The following FAM3B variants were observed in gnomAD, a reference collection of about 807,000 sequenced individuals.
FAM3B encodes the protein FAM3 metabolism regulating signaling molecule B, also known as protein FAM3B.
FAM3B carries 29 observed loss-of-function variants against 28.4 expected under a neutral mutation model. That is an observed-to-expected ratio of 1.02 (90% CI 0.76 to 1.39). The LOEUF (loss-of-function observed/expected upper bound fraction) is 1.39, where lower values mean the gene tolerates loss of function less well. Ranked by LOEUF, FAM3B falls within the 40% of genes most tolerant of loss-of-function variation. The pLI is 0.00. For missense variants in FAM3B, 266 were observed against 293.9 expected, an observed-to-expected ratio of 0.91 and a Z score of 0.69; for synonymous variants, 91 against 103.0, an observed-to-expected ratio of 0.88 and a Z score of 0.71.
upstream of FAM3B, among the ~76,000 whole-genome samples, chr21:41,312,422 C>T (rs750272153): frequency 9.9e-5 from 15 of 152,108 alleles, no homozygotes; most frequent in Non-Finnish European, 2.2e-4. Flanking sequence ...ACAAAAAGTG[C>T]AGCTGTTGTC....
At chr21:41,345,458 A>T (rs1280495004) in intron 4 of FAM3B, among the ~76,000 whole-genome samples, 1 of 152,112 alleles carries the variant, frequency 6.6e-6, no homozygotes, top group Non-Finnish European at 1.5e-5. Flanking sequence ...GTGTAACCCA[A>T]AGCAAACTGG....
intron 1 of FAM3B, among the ~76,000 whole-genome samples, chr21:41,305,691 A>G (rs1038070192): frequency 6.6e-6 from 1 of 152,236 alleles, no homozygotes; most frequent in Admixed American, 6.5e-5. Flanking sequence ...TACAATGTGC[A>G]TACCTTAATT....
At chr21:41,313,014 T>C (rs1052897064), upstream of FAM3B, among the ~76,000 whole-genome samples, 5 of 152,150 alleles carry the variant, frequency 3.3e-5, no homozygotes, top group African/African-American at 1.2e-4. Flanking sequence ...TTCATCCTAG[T>C]CCTTCTGAAG....
At chr21:41,319,222 AC>A (rs1171534987) in intron 1 of FAM3B, among the ~76,000 whole-genome samples, 1 of 151,960 alleles carries the variant, frequency 6.6e-6, no homozygotes, top group African/African-American at 2.4e-5. Context: ...AGCAGCCAGG[AC>A]CCTCCTGAGA....
chr21:41,311,037 G>A (rs927480281), intron 1 of FAM3B, among the ~76,000 whole-genome samples: 1 of 150,954 alleles, frequency 6.6e-6, no homozygotes, highest in African/African-American at 2.4e-5. Context: ...TGTCCCTTTC[G>A]TTTCCAATGG....
chr21:41,318,442 C>T (rs1338905014), intron 1 of FAM3B, among the ~76,000 whole-genome samples: 1 of 152,184 alleles, frequency 6.6e-6, no homozygotes, highest in Non-Finnish European at 1.5e-5. Flanking sequence ...GGGCGTTGGC[C>T]TGTGGACCGT....
chr21:41,329,793 C>T (rs530168263), intron 2 of FAM3B, among the ~76,000 whole-genome samples: 7 of 152,158 alleles, frequency 4.6e-5, no homozygotes, highest in Non-Finnish European at 1.0e-4. Context: ...TGGTCTCGAA[C>T]TCCTGACCTC....
rs541345698 is a variant in FAM3B at position 41,357,039 on chromosome 21, A to C, written c.619-69A>C. 8.2e-5 allele frequency: 100 copies of C among 1,213,102 alleles called. No individual in the cohort carries two copies. The African/African-American group carries it at 1.4e-3, about 17-fold the overall frequency. The allele number at this position is 1,213,102 out of a possible 1,614,324, so 75.1% of individuals were successfully genotyped here. A position where few individuals can be genotyped will look rare whatever the true frequency, so the allele number is the denominator to read the frequency against. On this transcript the variant is annotated intron_variant, in intron 7 of 7. Transcript: ENST00000357985. The stretch of plus-strand genomic sequence containing the variant: ...CTAGGAAGTGGTTGTGTCGGCTCAC[A>C]ACTGATACTGATTAAATACTTGTTT...
At chr21:41,321,763 T>C (rs1023894753) in intron 1 of FAM3B, among the ~76,000 whole-genome samples, 1 of 152,306 alleles carries the variant, frequency 6.6e-6, no homozygotes, top group Non-Finnish European at 1.5e-5. Flanking sequence ...GCATAGCCGG[T>C]GCATGGGTCG....
intron 1 of FAM3B, chr21:41,322,593 C>T (rs1449508261): frequency 4.2e-6 from 3 of 717,080 alleles, no homozygotes; most frequent in Non-Finnish European, 7.8e-6. Context: ...TTCAGGTTCA[C>T]GTTGGGCATG....
At chr21:41,321,257 T>G (rs2088801467) in intron 1 of FAM3B, among the ~76,000 whole-genome samples, 1 of 152,184 alleles carries the variant, frequency 6.6e-6, no homozygotes, top group Non-Finnish European at 1.5e-5. Flanking sequence ...ACCCACGCGG[T>G]GTCACAGGCA....
chr21:41,324,667 C>T (rs533169559), intron 2 of FAM3B, among the ~76,000 whole-genome samples: 45 of 152,280 alleles, frequency 3.0e-4, no homozygotes, highest in African/African-American at 9.4e-4. Flanking sequence ...CTCTCTGGGC[C>T]GTGGTCTGAG....
At chr21:41,316,115 G>T (rs140662124), upstream of FAM3B, among the ~76,000 whole-genome samples, 204 of 152,330 alleles carry the variant, frequency 1.3e-3, 1 homozygote, top group African/African-American at 4.6e-3. Context: ...TGTACCCGTG[G>T]ATGGGGAGAG....
intron 4 of FAM3B, 56 bp from the exon 5 acceptor site, chr21:41,345,630 A>C: frequency 9.5e-7 from 1 of 1,051,338 alleles, no homozygotes; most frequent in Non-Finnish European, 1.4e-6. Context: ...CTGGTGCCAC[A>C]AGTGCGCCCT....
chr21:41,321,362 C>A (rs2088803128), intron 1 of FAM3B, among the ~76,000 whole-genome samples: 1 of 152,200 alleles, frequency 6.6e-6, no homozygotes, highest in Admixed American at 6.6e-5. Context: ...AGAGATCACT[C>A]CTGCAGAGGA....
intron 2 of FAM3B, among the ~76,000 whole-genome samples, 195 bp downstream of exon 2, chr21:41,323,261 G>A (rs978613003): frequency 2.0e-5 from 3 of 152,220 alleles, no homozygotes; most frequent in Non-Finnish European, 4.4e-5. Context: ...GACCCCATGT[G>A]AGACTAGAAC....
At position 41,316,911 on chromosome 21, in the gene FAM3B, C is replaced by G; in HGVS notation, c.19+13C>G. ...CCATTGGCTGGTGGTGAGTGCGCCC[C>G]CGCCTCGGGGCGAGGGTAGGGGCGG... On this transcript the variant is annotated intron_variant, in intron 1 of 7. Transcript: ENST00000357985. 1 of 1,360,006 alleles carries G rather than the reference C, an allele frequency of 7.4e-7. No homozygotes were observed. The highest frequency in any genetic ancestry group is 3.5e-5 in the Admixed American group (1 of 28,384). 84.2% of individuals were successfully genotyped at this position (1,360,006 alleles called of 1,614,324 possible).
intron 3 of FAM3B, among the ~76,000 whole-genome samples, chr21:41,339,904 A>T (rs1344953427): frequency 6.6e-6 from 1 of 152,208 alleles, no homozygotes; most frequent in African/African-American, 2.4e-5. Flanking sequence ...ACGACAGGCC[A>T]TCTGCAAGCT....
upstream of FAM3B, among the ~76,000 whole-genome samples, chr21:41,315,137 G>A (rs2088738947): frequency 2.0e-5 from 3 of 152,178 alleles, no homozygotes; most frequent in Admixed American, 6.6e-5. Flanking sequence ...ACATGCTACA[G>A]CATGGATGAA....
Sources: allele counts gnomAD v4.1 joint callset (sites outside exome capture counted in the v4.1 genomes callset), GRCh38; gene constraint gnomAD v4.1.1; transcripts MANE v1.5; gene names NCBI Gene and HGNC (gene_info 2026-07-23, HGNC 2026-07-21).